The following ZBBX variants were observed in gnomAD, a reference collection of about 807,000 sequenced individuals.
ZBBX encodes the protein zinc finger B-box domain-containing protein 1.
A neutral mutation model predicts 108.5 loss-of-function variants in ZBBX; 101 were observed. The ratio of observed to expected loss-of-function variants is 0.93; its 90% CI spans 0.79 to 1.10. ZBBX has a LOEUF of 1.10. Among genes scored for constraint, ZBBX ranks in the 50% least tolerant of loss-of-function variants. The probability of loss-of-function intolerance (pLI) is 0.00; values close to 1 mark genes in which losing one functional copy is unlikely to be tolerated. For synonymous variants in ZBBX, 356 were observed against 323.4 expected, an observed-to-expected ratio of 1.10 and a Z score of -1.08; for missense variants, 1,009 against 941.4, an observed-to-expected ratio of 1.07 and a Z score of -0.94.
At chr3:167,189,827 C>G in the ZBBX span, among the ~76,000 whole-genome samples, 118 of 152,274 alleles carry the variant, frequency 7.7e-4, 1 homozygote, top group African/African-American at 2.8e-3. Flanking sequence ...ACATTATGTT[C>G]ACTCTTAATG....
chr3:167,230,982 C>T, the ZBBX span, among the ~76,000 whole-genome samples: 2 of 151,714 alleles, frequency 1.3e-5, no homozygotes, highest in African/African-American at 2.4e-5. Context: ...ACGAGACTCA[C>T]TGCAAAATGT....
intron 1 of ZBBX, among the ~76,000 whole-genome samples, chr3:167,385,732 C>A (rs1747891770): frequency 6.6e-6 from 1 of 151,898 alleles, no homozygotes; most frequent in South Asian, 2.1e-4. Flanking sequence ...TACCCAAGCC[C>A]TACACAGAGT....
the ZBBX span, among the ~76,000 whole-genome samples, chr3:167,217,611 G>A: frequency 2.0e-5 from 3 of 152,074 alleles, no homozygotes; most frequent in Admixed American, 6.6e-5. Flanking sequence ...CCCATTACTG[G>A]ACATATACCC....
At chr3:167,251,549 G>A (rs771692872) in intron 20 of ZBBX, among the ~76,000 whole-genome samples, 12 of 152,064 alleles carry the variant, frequency 7.9e-5, no homozygotes, top group Admixed American at 2.0e-4. Flanking sequence ...TGAGGGGGAC[G>A]GGGGATCCTT....
chr3:167,263,814 T>G (rs1725008419), intron 20 of ZBBX, among the ~76,000 whole-genome samples: 1 of 152,174 alleles, frequency 6.6e-6, no homozygotes, highest in Non-Finnish European at 1.5e-5. Flanking sequence ...GAAAGTGGAG[T>G]GTTGAAGTCT....
At chr3:167,192,116 T>C in the ZBBX span, among the ~76,000 whole-genome samples, 1 of 151,988 alleles carries the variant, frequency 6.6e-6, no homozygotes, top group African/African-American at 2.4e-5. Flanking sequence ...ATTTTGGGCT[T>C]CATACTTTTA....
chr3:167,201,361 T>A, the ZBBX span, among the ~76,000 whole-genome samples: 1 of 152,186 alleles, frequency 6.6e-6, no homozygotes, highest in African/African-American at 2.4e-5. Flanking sequence ...AGCCAAGAAG[T>A]TTTTTTATTA....
At chr3:167,375,614 C>T (rs1746837027) in intron 2 of ZBBX, among the ~76,000 whole-genome samples, 1 of 151,694 alleles carries the variant, frequency 6.6e-6, no homozygotes, top group African/African-American at 2.4e-5. Context: ...AAAAAGAATC[C>T]ATTATACACC....
At chr3:167,242,696 T>C (rs1675571527) in intron 20 of ZBBX, 53 bp from the exon 21 acceptor site, 2 of 1,541,190 alleles carry the variant, frequency 1.3e-6, no homozygotes, top group Admixed American at 1.8e-5. Context: ...GAAACAAATA[T>C]ACAGCATATG....
intron 20 of ZBBX, among the ~76,000 whole-genome samples, chr3:167,245,140 G>A (rs79515595): frequency 1.5e-3 from 223 of 152,300 alleles, no homozygotes; most frequent in Middle Eastern, 3.4e-3. Context: ...TGGGCCGGGC[G>A]CGGTGGCTCA....
chr3:167,399,710 T>C (rs1328845445), intron 1 of ZBBX: 1 of 152,176 alleles, frequency 6.6e-6, no homozygotes, highest in Admixed American at 6.5e-5. Flanking sequence ...TACACCATTT[T>C]TTTAACTTTT....
chr3:167,341,782 T>G (rs953531380), intron 9 of ZBBX, among the ~76,000 whole-genome samples: 1 of 151,970 alleles, frequency 6.6e-6, no homozygotes, highest in Non-Finnish European at 1.5e-5. Flanking sequence ...ATATTTGAGC[T>G]ACACAAGGAA....
At position 167,240,970 on chromosome 3, in the gene ZBBX, C is replaced by G. The variant is rs754152458; in HGVS notation, c.2394-51G>C. 4 of 1,592,576 alleles carry G rather than the reference C, an allele frequency of 2.5e-6. No individual in the cohort carries two copies. The African/African-American group carries it at 4.0e-5, about 16-fold the overall frequency. On this transcript the variant is annotated intron_variant, in intron 21 of 21. Coordinates refer to ENST00000675490, the MANE Select transcript of ZBBX (RefSeq NM_001199201.2). ...CACAATATACAGAACCGGGTTTCAACTCTTCATTTATCTTCTGATCAATAC... is the reference window on the plus strand; with the variant it reads ...CACAATATACAGAACCGGGTTTCAAGTCTTCATTTATCTTCTGATCAATAC...
intron 19 of ZBBX, among the ~76,000 whole-genome samples, chr3:167,282,778 A>G (rs1020495484): frequency 9.2e-5 from 14 of 152,228 alleles, no homozygotes; most frequent in Non-Finnish European, 4.4e-5. Flanking sequence ...AAATATCTAT[A>G]AACTAAGTCA....
the ZBBX span, among the ~76,000 whole-genome samples, chr3:167,188,466 C>A: frequency 6.6e-6 from 1 of 151,904 alleles, no homozygotes; most frequent in African/African-American, 2.4e-5. Context: ...TTCTGATAGG[C>A]TATGATGTCT....
intron 20 of ZBBX, among the ~76,000 whole-genome samples, chr3:167,267,882 C>T (rs982171083): frequency 2.0e-5 from 3 of 151,942 alleles, no homozygotes; most frequent in African/African-American, 7.3e-5. Context: ...CTCATTGCCC[C>T]CAATCCTTCC....
intron 1 of ZBBX, among the ~76,000 whole-genome samples, chr3:167,404,809 C>T (rs1370697535): frequency 6.6e-6 from 1 of 151,864 alleles, no homozygotes; most frequent in Non-Finnish European, 1.5e-5. Flanking sequence ...GTGGCATTGT[C>T]AAAAAGATAT....
At chr3:167,401,439 T>A (rs559532675) in intron 1 of ZBBX, 46 of 152,238 alleles carry the variant, frequency 3.0e-4, no homozygotes, top group African/African-American at 1.1e-3. Flanking sequence ...GTTCATTAGG[T>A]AAGTAAAGGA....
At chr3:167,309,508 C>T (rs1214669296) in intron 16 of ZBBX, among the ~76,000 whole-genome samples, 1 of 152,188 alleles carries the variant, frequency 6.6e-6, no homozygotes, top group South Asian at 2.1e-4. Flanking sequence ...GTTTCCAAAC[C>T]TCAAGTCTTA....
Sources: allele counts gnomAD v4.1 joint callset (sites outside exome capture counted in the v4.1 genomes callset), GRCh38; gene constraint gnomAD v4.1.1; transcripts MANE v1.5; gene names NCBI Gene and HGNC (gene_info 2026-07-23, HGNC 2026-07-21).